Variants in GCA observed in about 807,000 individuals in gnomAD.
The protein encoded by GCA is grancalcin.
In GCA, 30 loss-of-function variants were observed where a neutral mutation model predicts 32.6. The observed-to-expected ratio is 0.92, with a 90% CI of 0.69 to 1.25. The LOEUF (loss-of-function observed/expected upper bound fraction) is 1.25, where lower values mean the gene tolerates loss of function less well. GCA is among the 50% of genes most tolerant of loss of function. The pLI is 0.00. For synonymous variants in GCA, 102 were observed against 84.6 expected (o/e 1.21, Z -1.13); for missense variants, 291 against 266.8 (o/e 1.09, Z -0.63).
intron 1 of GCA, among the ~76,000 whole-genome samples, chr2:162,321,305 T>A (rs560119875): frequency 2.2e-4 from 34 of 152,240 alleles, no homozygotes; most frequent in Non-Finnish European, 4.6e-4. Context: ...TTTTCCTTTC[T>A]CTTTTGAGGC....
At chr2:162,353,665 G>A (rs939072203) in intron 3 of GCA, among the ~76,000 whole-genome samples, 7 of 152,144 alleles carry the variant, frequency 4.6e-5, no homozygotes, top group South Asian at 2.1e-4. Context: ...CTGCCTGGAT[G>A]TGATGTGATT....
intron 2 of GCA, among the ~76,000 whole-genome samples, chr2:162,348,769 A>G (rs1684838541): frequency 6.6e-6 from 1 of 152,122 alleles, no homozygotes; most frequent in African/African-American, 2.4e-5. Flanking sequence ...TTCTTTTCCA[A>G]GTGATTTTAT....
upstream of GCA, among the ~76,000 whole-genome samples, chr2:162,343,899 A>T (rs1202046794): frequency 6.6e-6 from 1 of 152,088 alleles, no homozygotes; most frequent in Non-Finnish European, 1.5e-5. Context: ...CTTCTTCGGG[A>T]TTTAGAAGGA....
At chr2:162,356,537 A>G (rs1258309203) in intron 4 of GCA, 56 bp downstream of exon 4, 12 of 1,102,934 alleles carry the variant, frequency 1.1e-5, no homozygotes, top group Non-Finnish European at 1.7e-5. Flanking sequence ...CTTTCTGACT[A>G]TCAAGCCAGT....
chr2:162,356,393 T>C (rs1053043826), intron 3 of GCA, 45 bp from the exon 4 acceptor site: 7 of 1,091,114 alleles, frequency 6.4e-6, no homozygotes, highest in Middle Eastern at 4.0e-4. Context: ...TTTACATAGA[T>C]AAAGTTGGGC....
Position 162,322,445 on chromosome 2 carries a change from T to A in GCA, c.-31+3220T>A, listed in dbSNP as rs1488735156. Among the ~76,000 whole-genome samples the A allele has an allele frequency of 2.6e-5, 4 of 151,358 alleles. 1 individual carries two copies. Among genetic ancestry groups the A allele is most frequent in the Admixed American group, 6.6e-5 (1 of 15,216 alleles). On this transcript the variant is annotated intron_variant, in intron 1 of 4. Transcript: ENST00000429691. Reference sequence around the variant, plus strand: ...ATTATACTTTAAGTTTTAGGGTACATGTGCACAATGTGCAGGTTGGTTACA... The same window carrying A: ...ATTATACTTTAAGTTTTAGGGTACAAGTGCACAATGTGCAGGTTGGTTACA...
chr2:162,329,381 T>G (rs1683996405), intron 1 of GCA, among the ~76,000 whole-genome samples: 1 of 152,196 alleles, frequency 6.6e-6, no homozygotes. Flanking sequence ...ATAAATTGAA[T>G]CAAACTTTTG....
downstream of GCA, among the ~76,000 whole-genome samples, chr2:162,367,704 T>C (rs1370598044): frequency 2.0e-5 from 3 of 151,988 alleles, no homozygotes; most frequent in South Asian, 2.1e-4. Context: ...GTTGGAGACG[T>C]TGCACATTGT....
At chr2:162,330,920 C>T (rs1448845174) in intron 1 of GCA, among the ~76,000 whole-genome samples, 1 of 152,190 alleles carries the variant, frequency 6.6e-6, no homozygotes, top group Non-Finnish European at 1.5e-5. Context: ...CTGATCAATA[C>T]ATAACTTTGT....
At position 162,360,350 on chromosome 2, in the gene GCA, G is replaced by A. The variant is rs2105354407; in HGVS notation, c.*107G>A. ...AGGGTTTTCTATGTTCTTCCTACCT[G>A]TTAAACCTCTTCCCTTTCTGTGTGT... On this transcript the variant is annotated 3_prime_UTR_variant, in exon 8 of 8. Coordinates refer to ENST00000437150, the MANE Select transcript of GCA (RefSeq NM_012198.5). 6.8e-7 allele frequency: 1 copy of A among 1,459,858 alleles called. No homozygotes were observed. The allele number at this position is 1,459,858 out of a possible 1,614,324, so 90.4% of individuals were successfully genotyped here.
intron 1 of GCA, among the ~76,000 whole-genome samples, chr2:162,328,972 G>C (rs1012337795): frequency 1.3e-5 from 2 of 152,126 alleles, no homozygotes; most frequent in African/African-American, 4.8e-5. Flanking sequence ...TGCTTCTGCT[G>C]GTCAGTGGCC....
chr2:162,327,074 C>T (rs1338645109), intron 1 of GCA, among the ~76,000 whole-genome samples: 5 of 152,166 alleles, frequency 3.3e-5, no homozygotes, highest in African/African-American at 1.2e-4. Context: ...GGAACCATGG[C>T]CTCCTTCTGT....
chr2:162,363,494 A>G (rs956135199), downstream of GCA, among the ~76,000 whole-genome samples: 1 of 151,450 alleles, frequency 6.6e-6, no homozygotes, highest in African/African-American at 2.4e-5. Flanking sequence ...ACTGGTAAAT[A>G]TTTAGAAGTT....
intron 1 of GCA, among the ~76,000 whole-genome samples, chr2:162,333,236 C>T (rs1684158077): frequency 6.6e-6 from 1 of 151,980 alleles, no homozygotes; most frequent in Non-Finnish European, 1.5e-5. Flanking sequence ...TATGCTAGTA[C>T]TGTTATAAAT....
chr2:162,348,545 C>T (rs1352377699), intron 2 of GCA, among the ~76,000 whole-genome samples: 1 of 151,974 alleles, frequency 6.6e-6, no homozygotes, highest in Non-Finnish European at 1.5e-5. Context: ...TAGTATGTTA[C>T]GATGTGGTAT....
At chr2:162,326,272 C>T (rs963083523) in intron 1 of GCA, among the ~76,000 whole-genome samples, 2 of 152,168 alleles carry the variant, frequency 1.3e-5, no homozygotes, top group African/African-American at 4.8e-5. Context: ...GTTCCAATTG[C>T]CAGATGGTAT....
chr2:162,368,747 C>T (rs1475348652), intron 4 of GCA, among the ~76,000 whole-genome samples: 1 of 152,022 alleles, frequency 6.6e-6, no homozygotes, highest in Non-Finnish European at 1.5e-5. Context: ...ATGACCAATA[C>T]ATTATAATGG....
Position 162,362,672 on chromosome 2 carries a change from A to T in GCA, c.*2429A>T. 1.7e-6 allele frequency: 1 copy of T among 571,888 alleles called. No individual in the cohort carries two copies. The highest frequency in any genetic ancestry group is 2.2e-6 in the Non-Finnish European group (1 of 452,478). 35.4% of individuals were successfully genotyped at this position (571,888 alleles called of 1,614,324 possible). A position where few individuals can be genotyped will look rare whatever the true frequency, so the allele number is the denominator to read the frequency against. The stretch of plus-strand genomic sequence containing the variant: ...ATCATACAAAATCTGTTACATATAT[A>T]TATATTATGAGATGCTTCAGTTCAA... On this transcript the variant is annotated 3_prime_UTR_variant, in exon 8 of 8. Coordinates refer to ENST00000437150, the MANE Select transcript of GCA (RefSeq NM_012198.5).
upstream of GCA, among the ~76,000 whole-genome samples, chr2:162,342,190 G>A (rs1046443353): frequency 7.9e-5 from 12 of 152,250 alleles, no homozygotes; most frequent in African/African-American, 2.9e-4. Context: ...TAGTTTTAGA[G>A]AGAGAGATGC....
Sources: gnomAD v4.1 joint callset for allele counts (sites outside exome capture counted in the v4.1 genomes callset) on GRCh38, gnomAD v4.1.1 for gene constraint, MANE v1.5 for transcripts, NCBI Gene and HGNC (gene_info 2026-07-23, HGNC 2026-07-21) for gene names.